MALRD1: variants seen among roughly 807,000 people sequenced by gnomAD.
MALRD1 encodes MAM and LDL-receptor class A domain-containing protein 1.
In MALRD1, 247 loss-of-function variants were observed where a neutral mutation model predicts 242.1. The observed-to-expected ratio is 1.02, with a 90% CI of 0.92 to 1.13. The LOEUF (loss-of-function observed/expected upper bound fraction) is 1.13. Ranked by LOEUF, MALRD1 falls within the 50% of genes most tolerant of loss-of-function variation. The pLI is 0.00. For missense variants in MALRD1, 2,989 were observed against 2,533.1 expected (o/e 1.18, Z -3.86); for synonymous variants, 995 against 866.6 (o/e 1.15, Z -2.60).
intron 39 of MALRD1, among the ~76,000 whole-genome samples, chr10:19,731,096 T>C (rs1450769292): frequency 6.6e-6 from 1 of 152,220 alleles, no homozygotes; most frequent in African/African-American, 2.4e-5. Context: ...CACAGAGTAT[T>C]AGTCAGCTGC....
At chr10:19,269,547 C>T (rs546236764) in intron 19 of MALRD1, among the ~76,000 whole-genome samples, 1 of 152,318 alleles carries the variant, frequency 6.6e-6, no homozygotes, top group Admixed American at 6.5e-5. Context: ...CCTTGTCATG[C>T]CTCAGTCACA....
At chr10:19,360,617 G>A (rs1191042880) in intron 26 of MALRD1, among the ~76,000 whole-genome samples, 6 of 151,890 alleles carry the variant, frequency 4.0e-5, no homozygotes, top group African/African-American at 1.5e-4. Flanking sequence ...ATTCTGTATG[G>A]CCTGCATAGA....
intron 25 of MALRD1, among the ~76,000 whole-genome samples, chr10:19,348,666 G>A (rs1439987692): frequency 1.3e-5 from 2 of 152,116 alleles, no homozygotes; most frequent in African/African-American, 2.4e-5. Flanking sequence ...CGATAACTAT[G>A]TATTTACAGG....
intron 26 of MALRD1, among the ~76,000 whole-genome samples, chr10:19,386,464 C>G (rs1346215621): frequency 6.6e-6 from 1 of 151,884 alleles, no homozygotes; most frequent in African/African-American, 2.4e-5. Flanking sequence ...AAATGTGAAG[C>G]TGATATCCCA....
At chr10:19,100,772 A>G (rs913099345) in intron 4 of MALRD1, among the ~76,000 whole-genome samples, 3 of 152,116 alleles carry the variant, frequency 2.0e-5, no homozygotes, top group African/African-American at 4.8e-5. Context: ...TGATTTATCA[A>G]CCCTGAAGAG....
intron 10 of MALRD1, among the ~76,000 whole-genome samples, chr10:19,140,116 T>C (rs1046627989): frequency 6.6e-6 from 1 of 152,206 alleles, no homozygotes; most frequent in South Asian, 2.1e-4. Flanking sequence ...GAATCTAATA[T>C]ATTCTCATTA....
chr10:19,315,696 AT>A (rs1373569849), intron 21 of MALRD1, among the ~76,000 whole-genome samples: 1 of 134,106 alleles, frequency 7.5e-6, no homozygotes, highest in East Asian at 2.2e-4. Flanking sequence ...ATAATTATAT[AT>A]AATACATATT....
At position 19,692,632 on chromosome 10, in the gene MALRD1, T is replaced by C; in HGVS notation, c.6314+78T>C. On this transcript the variant is annotated intron_variant, in intron 38 of 39. Transcript: ENST00000454679. ...CTTCAACATTTCCTTTGCTATTTTT[T>C]TCTTTCACTCCATATTACATGCAGG... 9 of 1,137,050 alleles carry C rather than the reference T, an allele frequency of 7.9e-6. 1 individual carries two copies. The highest frequency in any genetic ancestry group is 2.8e-5 in the South Asian group (2 of 71,120). 70.4% of individuals were successfully genotyped at this position (1,137,050 alleles called of 1,614,324 possible).
intron 14 of MALRD1, among the ~76,000 whole-genome samples, chr10:19,196,104 G>C (rs1836230388): frequency 6.6e-6 from 1 of 151,918 alleles, no homozygotes; most frequent in Non-Finnish European, 1.5e-5. Context: ...CTTTTATGTA[G>C]AACCCCTCTC....
chr10:19,181,207 G>A (rs1835487984), intron 14 of MALRD1, among the ~76,000 whole-genome samples: 1 of 152,014 alleles, frequency 6.6e-6, no homozygotes, highest in South Asian at 2.1e-4. Context: ...TCTCTCTTTT[G>A]GGTATATACC....
At chr10:19,351,437 T>A (rs1844373859) in intron 25 of MALRD1, among the ~76,000 whole-genome samples, 2 of 152,182 alleles carry the variant, frequency 1.3e-5, no homozygotes, top group African/African-American at 4.8e-5. Context: ...TGAAGGCCCA[T>A]TTGTAGCATT....
intron 32 of MALRD1, among the ~76,000 whole-genome samples, chr10:19,565,875 T>G (rs532219711): frequency 6.6e-6 from 1 of 152,294 alleles, no homozygotes; most frequent in East Asian, 1.9e-4. Flanking sequence ...TTTCCAAACT[T>G]TGGGCAAGTT....
chr10:19,392,923 T>A (rs1025638143), intron 28 of MALRD1, among the ~76,000 whole-genome samples: 4 of 152,148 alleles, frequency 2.6e-5, no homozygotes, highest in African/African-American at 9.7e-5. Context: ...ACTGTGTGCA[T>A]GAGATTCAGC....
At chr10:19,135,874 C>T (rs1355962557) in intron 9 of MALRD1, among the ~76,000 whole-genome samples, 1 of 152,194 alleles carries the variant, frequency 6.6e-6, no homozygotes, top group Non-Finnish European at 1.5e-5. Flanking sequence ...TTATCTTACA[C>T]TTGACCAGCA....
chr10:19,607,249 C>T (rs963093863), intron 34 of MALRD1, among the ~76,000 whole-genome samples: 4 of 152,140 alleles, frequency 2.6e-5, no homozygotes, highest in African/African-American at 9.6e-5. Context: ...GAAAATAACA[C>T]CCACTGGATA....
At chr10:19,436,195 A>G (rs1047205575) in intron 28 of MALRD1, among the ~76,000 whole-genome samples, 6 of 152,182 alleles carry the variant, frequency 3.9e-5, no homozygotes, top group African/African-American at 1.4e-4. Flanking sequence ...GTTGGAGAAT[A>G]ATACTAGAAG....
chr10:19,094,355 C>G (rs2131309899), intron 4 of MALRD1, among the ~76,000 whole-genome samples: 1 of 127,298 alleles, frequency 7.9e-6, no homozygotes, highest in South Asian at 2.6e-4. Flanking sequence ...ACCCGATTTT[C>G]CAGGTGCGTC....
At chr10:19,732,277 T>A (rs1369029440) in intron 39 of MALRD1, among the ~76,000 whole-genome samples, 8 of 152,232 alleles carry the variant, frequency 5.3e-5, no homozygotes, top group Non-Finnish European at 1.2e-4. Flanking sequence ...TTATTTATTT[T>A]TTGAGACGGA....
rs961923440 is a variant in MALRD1, at chr10:19,674,262, A to G, written c.6138-18020A>G. ...GAGGCCAGAAAACACATGGTTTGAT[A>G]GGATATGATGCCTACAACCTAGTGC... On this transcript the variant is annotated intron_variant, in intron 36 of 39. Transcript: ENST00000454679. 1.8e-4 allele frequency among the ~76,000 whole-genome samples: 27 copies of G among 152,232 alleles called. 1 individual carries two copies. Among genetic ancestry groups the G allele is most frequent in the Admixed American group, 1.5e-3 (23 of 15,288 alleles).
Sources: allele counts gnomAD v4.1 joint callset (sites outside exome capture counted in the v4.1 genomes callset), GRCh38; gene constraint gnomAD v4.1.1; transcripts MANE v1.5; gene names NCBI Gene and HGNC (gene_info 2026-07-23, HGNC 2026-07-21).